WDFY3: variants seen among roughly 807,000 people sequenced by gnomAD.
WDFY3 encodes the protein WD repeat and FYVE domain containing 3, also known as WD repeat and FYVE domain-containing protein 3.
Under a neutral mutation model 409.6 loss-of-function variants are expected in WDFY3, and 66 were observed. That is an observed-to-expected ratio of 0.16 (90% CI 0.13 to 0.20). WDFY3 has a LOEUF of 0.20. Among genes scored for constraint, WDFY3 ranks in the 10% least tolerant of loss-of-function variants. The pLI, the probability that WDFY3 is intolerant of heterozygous loss-of-function variation, is 1.00. For missense variants in WDFY3, 3,031 were observed against 4,298.1 expected (o/e 0.71, Z 8.24); for synonymous variants, 1,521 against 1,537.1 (o/e 0.99, Z 0.25).
At chr4:84,951,743 AC>A (rs1773639445) in intron 1 of WDFY3, among the ~76,000 whole-genome samples, 1 of 152,240 alleles carries the variant, frequency 6.6e-6, no homozygotes, top group Non-Finnish European at 1.5e-5. Flanking sequence ...TGCTTGCCAA[AC>A]AAAATCTTCA....
intron 1 of WDFY3, among the ~76,000 whole-genome samples, chr4:84,954,029 T>C (rs1458531803): frequency 6.6e-6 from 1 of 152,134 alleles, no homozygotes; most frequent in Non-Finnish European, 1.5e-5. Context: ...ATAAAGTTAT[T>C]GAGGGCAGAA....
At chr4:84,807,251 A>T (rs899410753) in intron 15 of WDFY3, among the ~76,000 whole-genome samples, 1 of 152,192 alleles carries the variant, frequency 6.6e-6, no homozygotes, top group Non-Finnish European at 1.5e-5. Flanking sequence ...TTTTTAAAAA[A>T]AGAAATTGCA....
At chr4:84,955,245 G>A (rs766911022) in intron 1 of WDFY3, among the ~76,000 whole-genome samples, 9 of 151,744 alleles carry the variant, frequency 5.9e-5, no homozygotes, top group African/African-American at 9.7e-5. Flanking sequence ...CCCAGTAAGC[G>A]AATATGGTAG....
intron 2 of WDFY3, among the ~76,000 whole-genome samples, chr4:84,903,333 G>A (rs1404158753): frequency 6.6e-6 from 1 of 152,056 alleles, no homozygotes; most frequent in Non-Finnish European, 1.5e-5. Context: ...CAAACAAAAA[G>A]GGAGTTTGTT....
chr4:84,731,687 G>C (rs1736633949), intron 44 of WDFY3, among the ~76,000 whole-genome samples: 1 of 152,200 alleles, frequency 6.6e-6, no homozygotes, highest in Non-Finnish European at 1.5e-5. Flanking sequence ...TACTACGGTT[G>C]TAGATGTGAA....
chr4:84,724,694 T>C, intron 45 of WDFY3, 100 bp from the exon 46 acceptor site: 1 of 1,327,158 alleles, frequency 7.5e-7, no homozygotes, highest in Non-Finnish European at 1.0e-6. Flanking sequence ...GTTACCTTTT[T>C]AAAGGGGCTT....
rs1316418593 is a variant in WDFY3 at position 84,696,192 on chromosome 4, C to T, written c.8689-10G>A. 6.2e-7 allele frequency: 1 copy of T among 1,613,400 alleles called. No homozygotes were observed. The highest frequency in any genetic ancestry group is 1.1e-5 in the South Asian group (1 of 90,988). ...AATCACACTCCAAAGCCTGTAATTTCAAACATAGGTTTAGTCACTGGCTGA... is the reference window on the plus strand; with the variant it reads ...AATCACACTCCAAAGCCTGTAATTTTAAACATAGGTTTAGTCACTGGCTGA... On this transcript the variant is annotated splice_polypyrimidine_tract_variant and intron_variant, in intron 57 of 67. Transcript: ENST00000295888.
chr4:84,733,199 T>C (rs1468780165), intron 44 of WDFY3, among the ~76,000 whole-genome samples, 183 bp downstream of exon 44: 1 of 152,178 alleles, frequency 6.6e-6, no homozygotes, highest in Non-Finnish European at 1.5e-5. Flanking sequence ...TATTATGATG[T>C]CTCCTTCTTG....
At chr4:84,676,485 G>A (rs1726318807) in intron 67 of WDFY3, among the ~76,000 whole-genome samples, 1 of 151,948 alleles carries the variant, frequency 6.6e-6, no homozygotes, top group South Asian at 2.1e-4. Context: ...TCAAGAATAA[G>A]TCTGTGTTCT....
chr4:84,900,083 A>G (rs1579047741), intron 2 of WDFY3, among the ~76,000 whole-genome samples: 2 of 152,150 alleles, frequency 1.3e-5, no homozygotes, highest in African/African-American at 4.8e-5. Context: ...AAATGAAATG[A>G]AAACTTACAT....
At position 84,801,638 on chromosome 4, in the gene WDFY3, A is replaced by G. The variant is rs1169785879; in HGVS notation, c.2822+12T>C. ...CTAATTGTGGACTATTTGAGTATGA[A>G]AGAGAACTTACCTCAACACCATGGG... On this transcript the variant is annotated intron_variant, in intron 17 of 67. Transcript: ENST00000295888. 1 of 1,599,412 alleles carries G rather than the reference A, an allele frequency of 6.3e-7. No homozygotes were observed. Among genetic ancestry groups the G allele is most frequent in the Non-Finnish European group, 8.5e-7 (1 of 1,171,114 alleles).
chr4:84,707,081 G>A (rs539041361), intron 53 of WDFY3, among the ~76,000 whole-genome samples: 1 of 151,914 alleles, frequency 6.6e-6, no homozygotes, highest in South Asian at 2.1e-4. Context: ...TGGGACTACA[G>A]ATGCATGCCA....
chr4:84,690,482 G>A (rs1560535095), intron 61 of WDFY3, 24 bp downstream of exon 61: 1 of 1,613,748 alleles, frequency 6.2e-7, no homozygotes, highest in Non-Finnish European at 8.5e-7. Flanking sequence ...TGTCCTTCTT[G>A]GCATTTTCTA....
intron 10 of WDFY3, among the ~76,000 whole-genome samples, chr4:84,823,293 A>T (rs1578684850): frequency 6.6e-6 from 1 of 152,282 alleles, no homozygotes; most frequent in East Asian, 1.9e-4. Flanking sequence ...AATAACTTAA[A>T]ATGTACCATA....
At chr4:84,914,523 GC>G in intron 2 of WDFY3, among the ~76,000 whole-genome samples, 1 of 152,152 alleles carries the variant, frequency 6.6e-6, no homozygotes, top group East Asian at 1.9e-4. Flanking sequence ...AGGGGCACTG[GC>G]ATCCCTAAGC....
Position 84,801,646 on chromosome 4 carries a change from T to G in WDFY3, c.2822+4A>C, listed in dbSNP as rs1231545200. The G allele has an allele frequency of 6.2e-7, 1 of 1,604,638 alleles. No individual in the cohort carries two copies. The highest frequency in any genetic ancestry group is 2.2e-5 in the East Asian group (1 of 44,626). ...GGACTATTTGAGTATGAAAGAGAACTTACCTCAACACCATGGGTTCCAGAG... is the reference window on the plus strand; with the variant it reads ...GGACTATTTGAGTATGAAAGAGAACGTACCTCAACACCATGGGTTCCAGAG... On this transcript the variant is annotated splice_donor_region_variant and intron_variant, in intron 17 of 67. Transcript: ENST00000295888.
intron 17 of WDFY3, among the ~76,000 whole-genome samples, chr4:84,799,299 G>GGCA (rs1291544073): frequency 6.6e-6 from 1 of 151,144 alleles, no homozygotes; most frequent in Non-Finnish European, 1.5e-5. Context: ...AAGGACTACA[G>GGCA]GCACACGCCA....
chr4:84,722,320 C>T (rs537195275), intron 46 of WDFY3, among the ~76,000 whole-genome samples: 47 of 152,088 alleles, frequency 3.1e-4, no homozygotes, highest in Admixed American at 9.2e-4. Context: ...CTGGGAGGCA[C>T]AGGTTGCAGT....
intron 3 of WDFY3, among the ~76,000 whole-genome samples, chr4:84,882,599 G>T (rs1012910318): frequency 6.6e-5 from 10 of 151,966 alleles, no homozygotes; most frequent in Non-Finnish European, 1.5e-4. Flanking sequence ...GGAAACTTAT[G>T]AAATTCCTAA....
Sources: gnomAD v4.1 joint callset for allele counts (sites outside exome capture counted in the v4.1 genomes callset) on GRCh38, gnomAD v4.1.1 for gene constraint, MANE v1.5 for transcripts, NCBI Gene and HGNC (gene_info 2026-07-23, HGNC 2026-07-21) for gene names.